Variants in ITGA8 observed in about 807,000 individuals in gnomAD.
ITGA8 encodes integrin subunit alpha 8, also known as integrin alpha-8.
A neutral mutation model predicts 142.3 loss-of-function variants in ITGA8; 91 were observed. The observed-to-expected ratio is 0.64, with a 90% CI of 0.54 to 0.76. The LOEUF is 0.76. Ranked by LOEUF, ITGA8 falls within the 30% of genes least tolerant of loss-of-function variation. The pLI is 0.00. For missense variants in ITGA8, 1,406 were observed against 1,327.7 expected, an observed-to-expected ratio of 1.06 and a Z score of -0.92; for synonymous variants, 505 against 485.2, an observed-to-expected ratio of 1.04 and a Z score of -0.54.
chr10:15,716,837 T>G (rs181430019), intron 2 of ITGA8, among the ~76,000 whole-genome samples: 65 of 152,200 alleles, frequency 4.3e-4, no homozygotes, highest in African/African-American at 1.5e-3. Flanking sequence ...TGATTTTGTA[T>G]TTTTAGTAGA....
intron 5 of ITGA8, 64 bp downstream of exon 5, chr10:15,678,658 G>A: frequency 9.2e-7 from 1 of 1,089,382 alleles, no homozygotes; most frequent in Non-Finnish European, 1.4e-6. Context: ...GTGTGGGAGT[G>A]AGAGGCAGAG....
At chr10:15,664,097 T>C (rs1238672971) in intron 8 of ITGA8, among the ~76,000 whole-genome samples, 1 of 152,180 alleles carries the variant, frequency 6.6e-6, no homozygotes, top group Non-Finnish European at 1.5e-5. Context: ...CTCACTGAAT[T>C]CTCAGAAGAA....
At chr10:15,552,927 C>T (rs1302444344) in intron 26 of ITGA8, among the ~76,000 whole-genome samples, 1 of 152,222 alleles carries the variant, frequency 6.6e-6, no homozygotes, top group African/African-American at 2.4e-5. Context: ...TATGGATTCC[C>T]TACTGTTATG....
chr10:15,582,140 G>A (rs1347066642), intron 23 of ITGA8, among the ~76,000 whole-genome samples: 5 of 152,200 alleles, frequency 3.3e-5, no homozygotes, highest in Non-Finnish European at 7.3e-5. Flanking sequence ...TTGGGAGGCT[G>A]TGGTGGGAGG....
intron 6 of ITGA8, among the ~76,000 whole-genome samples, chr10:15,675,651 C>T (rs976955045): frequency 6.6e-6 from 1 of 152,202 alleles, no homozygotes; most frequent in Non-Finnish European, 1.5e-5. Flanking sequence ...CAGAATGATC[C>T]TTTCAAAACA....
At chr10:15,534,298 T>C (rs549984457) in intron 27 of ITGA8, among the ~76,000 whole-genome samples, 2 of 152,366 alleles carry the variant, frequency 1.3e-5, no homozygotes, top group South Asian at 4.1e-4. Context: ...TCAGTGAGAC[T>C]GAGATGAGAC....
intron 20 of ITGA8, among the ~76,000 whole-genome samples, chr10:15,603,990 G>A (rs1284654602): frequency 6.6e-6 from 1 of 152,010 alleles, no homozygotes; most frequent in Non-Finnish European, 1.5e-5. Flanking sequence ...CTCAATCTTT[G>A]GCCAATCTAT....
intron 21 of ITGA8, among the ~76,000 whole-genome samples, chr10:15,593,004 ACAAT>A (rs1832951745): frequency 6.6e-6 from 1 of 152,244 alleles, no homozygotes; most frequent in Non-Finnish European, 1.5e-5. Flanking sequence ...TAATGTAATA[ACAAT>A]CAACAATGAG....
rs779053361 is a variant in ITGA8 at position 15,646,912 on chromosome 10, C to T, written c.1141G>A (p.Glu381Lys). Residue 381 changes from glutamate to lysine, a missense_variant, in exon 12 of 30, where the codon GAG (glutamate) becomes AAG (lysine). Glu to Lys is a moderately conservative substitution (Grantham distance 56, BLOSUM62 1). Coordinates refer to ENST00000378076, the MANE Select transcript of ITGA8 (RefSeq NM_003638.3). ...GCACTACCGAATCTCCCAAACGTCT[C>T]GGTGCCAGTGAGGATCTGGGGGTCT... ...FRDPQILTGT[E>K]TFGRFGSAMA... 2.2e-5 allele frequency: 36 copies of T among 1,613,958 alleles called. No homozygotes were observed. Among genetic ancestry groups the T allele is most frequent in the South Asian group, 3.3e-5 (3 of 91,064 alleles).
chr10:15,639,626 A>G (rs1294329842), intron 13 of ITGA8, among the ~76,000 whole-genome samples: 2 of 152,208 alleles, frequency 1.3e-5, no homozygotes, highest in Non-Finnish European at 2.9e-5. Context: ...CTGCATCAGG[A>G]TCTGCAATTG....
chr10:15,715,640 C>T (rs965974120), intron 2 of ITGA8, among the ~76,000 whole-genome samples: 2 of 152,224 alleles, frequency 1.3e-5, no homozygotes, highest in Admixed American at 6.5e-5. Context: ...GTGTCTGGTA[C>T]ATAGTAGCGA....
At chr10:15,521,212 C>T (rs1053082003) in intron 28 of ITGA8, among the ~76,000 whole-genome samples, 5 of 151,780 alleles carry the variant, frequency 3.3e-5, no homozygotes, top group African/African-American at 1.2e-4. Flanking sequence ...TTAGTATAGA[C>T]CTGGTTTCAC....
intron 26 of ITGA8, among the ~76,000 whole-genome samples, chr10:15,549,396 A>C (rs1833750915): frequency 2.0e-5 from 3 of 151,692 alleles, no homozygotes; most frequent in African/African-American, 4.8e-5. Flanking sequence ...TTTTTAGTAG[A>C]GATGGGGTTT....
intron 13 of ITGA8, among the ~76,000 whole-genome samples, chr10:15,621,567 T>C (rs1416806841): frequency 6.6e-6 from 1 of 152,178 alleles, no homozygotes; most frequent in Non-Finnish European, 1.5e-5. Flanking sequence ...AGAAGTTCTA[T>C]TTGAAAACAT....
chr10:15,523,587 G>C (rs1833108251), intron 28 of ITGA8, among the ~76,000 whole-genome samples: 1 of 152,028 alleles, frequency 6.6e-6, no homozygotes, highest in Non-Finnish European at 1.5e-5. Context: ...TTGCCAGTCT[G>C]CTTCCAGTAA....
intron 14 of ITGA8, among the ~76,000 whole-genome samples, chr10:15,614,351 T>A (rs1445349330): frequency 1.3e-5 from 2 of 152,256 alleles, no homozygotes; most frequent in East Asian, 3.9e-4. Context: ...TGGTTCTCAA[T>A]CCTGACTGCA....
At chr10:15,606,219 G>A in intron 18 of ITGA8, 66 bp downstream of exon 18, 1 of 1,407,932 alleles carries the variant, frequency 7.1e-7, no homozygotes, top group Non-Finnish European at 9.7e-7. Flanking sequence ...TAGTCTTAAA[G>A]CCATGAGAAC....
At chr10:15,684,636 G>A (rs1199666917) in intron 3 of ITGA8, among the ~76,000 whole-genome samples, 1 of 152,000 alleles carries the variant, frequency 6.6e-6, no homozygotes, top group Non-Finnish European at 1.5e-5. Flanking sequence ...GCCTCCTCAA[G>A]TGCTGGAAAT....
At chr10:15,643,256 T>A (rs1393297880) in intron 13 of ITGA8, among the ~76,000 whole-genome samples, 2 of 152,216 alleles carry the variant, frequency 1.3e-5, no homozygotes, top group Non-Finnish European at 2.9e-5. Flanking sequence ...AGTCTATCTT[T>A]GGAAAACCAC....
Sources: allele counts gnomAD v4.1 joint callset (sites outside exome capture counted in the v4.1 genomes callset), GRCh38; gene constraint gnomAD v4.1.1; transcripts MANE v1.5; gene names NCBI Gene and HGNC (gene_info 2026-07-23, HGNC 2026-07-21).